The following PCDH11Y variants were observed in gnomAD, a reference collection of about 807,000 sequenced individuals.
The protein encoded by PCDH11Y is protocadherin 11 Y-linked, also known as protocadherin-11 Y-linked.
For synonymous variants in PCDH11Y, 9 were observed against 83.6 expected (o/e 0.11, Z 4.87); for missense variants, 12 against 224.8 (o/e 0.05, Z 6.05).
chrY:5,413,133 C>T (rs1602921946), intron 2 of PCDH11Y, among the ~76,000 whole-genome samples: 9 of 33,127 alleles, frequency 2.7e-4, no homozygotes, highest in African/African-American at 7.1e-4. Flanking sequence ...AAAATATTGC[C>T]AGACCAACTC....
intron 4 of PCDH11Y, among the ~76,000 whole-genome samples, chrY:5,643,991 G>A: frequency 3.0e-5 from 1 of 32,975 alleles, no homozygotes; most frequent in Non-Finnish European, 7.5e-5. Context: ...CTTAATAGCA[G>A]CATAGAAAAT....
chrY:5,587,029 G>T (rs2053456945), intron 4 of PCDH11Y, among the ~76,000 whole-genome samples: 1 of 32,278 alleles, frequency 3.1e-5, no homozygotes, highest in South Asian at 6.8e-4. Flanking sequence ...TTGTTTACTT[G>T]AAGTTTTTCT....
chrY:5,046,833 C>G, intron 3 of PCDH11Y, among the ~76,000 whole-genome samples: 3 of 33,462 alleles, frequency 9.0e-5, no homozygotes, highest in African/African-American at 2.3e-4. Flanking sequence ...TTTTTAAGCC[C>G]GTCGGAAAAG....
intron 4 of PCDH11Y, among the ~76,000 whole-genome samples, chrY:5,644,350 C>T: frequency 8.9e-5 from 3 of 33,718 alleles, no homozygotes; most frequent in Non-Finnish European, 7.3e-5. Flanking sequence ...TTACAATTAA[C>T]ATTAGCATAA....
chrY:5,075,238 A>G, intron 1 of PCDH11Y, among the ~76,000 whole-genome samples: 1 of 33,283 alleles, frequency 3.0e-5, no homozygotes, highest in Non-Finnish European at 7.5e-5. Context: ...TAGCTCTTGA[A>G]TTTTATAGTG....
intron 1 of PCDH11Y, among the ~76,000 whole-genome samples, chrY:5,028,766 C>T (rs2052583566): frequency 1.1e-3 from 37 of 32,853 alleles, no homozygotes; most frequent in African/African-American, 3.9e-3. Flanking sequence ...AAGCGAAAAC[C>T]GTGTCTCTAA....
At chrY:5,530,975 A>ATTT (rs1266020762) in intron 3 of PCDH11Y, among the ~76,000 whole-genome samples, 1 of 17,029 alleles carries the variant, frequency 5.9e-5, no homozygotes, top group African/African-American at 2.1e-4. Flanking sequence ...CTTTTCTTCC[A>ATTT]TTTTTTTTTT....
chrY:5,005,213 C>T, intron 1 of PCDH11Y, among the ~76,000 whole-genome samples: 3 of 33,587 alleles, frequency 8.9e-5, no homozygotes, highest in African/African-American at 3.5e-4. Flanking sequence ...CAATAGATAG[C>T]ACACAGTAGA....
intron 2 of PCDH11Y, among the ~76,000 whole-genome samples, chrY:5,182,019 C>T (rs2052900626): frequency 3.0e-5 from 1 of 33,306 alleles, no homozygotes; most frequent in African/African-American, 1.2e-4. Flanking sequence ...TTTGAGTTTT[C>T]AGTGTTTTTG....
intron 2 of PCDH11Y, among the ~76,000 whole-genome samples, chrY:5,114,993 A>T: frequency 3.1e-5 from 1 of 32,710 alleles, no homozygotes; most frequent in African/African-American, 1.2e-4. Flanking sequence ...TTCTAGAAAC[A>T]TTTTTAAAGC....
intron 2 of PCDH11Y, among the ~76,000 whole-genome samples, chrY:5,362,468 AG>A (rs2053175502): frequency 3.2e-5 from 1 of 31,635 alleles, no homozygotes; most frequent in African/African-American, 1.2e-4. Flanking sequence ...CAGAATGCAC[AG>A]GTTTGTTACA....
At chrY:5,448,165 C>T in intron 2 of PCDH11Y, among the ~76,000 whole-genome samples, 1 of 32,719 alleles carries the variant, frequency 3.1e-5, no homozygotes, top group African/African-American at 1.2e-4. Flanking sequence ...TCCAGTTATA[C>T]GTTGATTTTT....
chrY:5,140,701 A>G, intron 2 of PCDH11Y, among the ~76,000 whole-genome samples: 1 of 31,699 alleles, frequency 3.2e-5, no homozygotes, highest in Non-Finnish European at 7.7e-5. Flanking sequence ...GAACATTGCT[A>G]TGAGGATATT....
At chrY:5,566,937 T>A (rs2053435731) in intron 3 of PCDH11Y, among the ~76,000 whole-genome samples, 1 of 32,714 alleles carries the variant, frequency 3.1e-5, no homozygotes, top group Admixed American at 2.8e-4. Context: ...ATGGTAGAGA[T>A]GTGAAAATTC....
intron 4 of PCDH11Y, among the ~76,000 whole-genome samples, chrY:5,717,284 A>G (rs1602963504): frequency 3.6e-4 from 12 of 33,039 alleles, no homozygotes; most frequent in African/African-American, 1.1e-3. Context: ...AAATAAAACA[A>G]TCAACAAAGT....
At chrY:5,591,184 T>A in intron 4 of PCDH11Y, among the ~76,000 whole-genome samples, 1 of 32,273 alleles carries the variant, frequency 3.1e-5, no homozygotes, top group Non-Finnish European at 7.5e-5. Flanking sequence ...TAGGAGCAGT[T>A]TCCCCCATGG....
At chrY:5,191,980 A>G in intron 2 of PCDH11Y, among the ~76,000 whole-genome samples, 1 of 32,081 alleles carries the variant, frequency 3.1e-5, no homozygotes, top group Non-Finnish European at 7.6e-5. Context: ...GCTGCACAGC[A>G]GGAGGTGAGC....
At chrY:5,694,522 G>C in intron 4 of PCDH11Y, among the ~76,000 whole-genome samples, 1 of 32,113 alleles carries the variant, frequency 3.1e-5, no homozygotes, top group Non-Finnish European at 7.7e-5. Flanking sequence ...TTCAGGGTTT[G>C]TTTTTAATTT....
intron 2 of PCDH11Y, chrY:5,337,664 C>T: frequency 9.0e-6 from 2 of 223,167 alleles, no homozygotes; most frequent in Non-Finnish European, 6.3e-6. Flanking sequence ...TATCCCTTGG[C>T]TCCCTTCACT....
Sources: allele counts gnomAD v4.1 joint callset (sites outside exome capture counted in the v4.1 genomes callset), GRCh38; gene constraint gnomAD v4.1.1; transcripts MANE v1.5; gene names NCBI Gene and HGNC (gene_info 2026-07-23, HGNC 2026-07-21).